Variants in PIWIL3 observed in about 807,000 individuals in gnomAD.
PIWIL3 encodes the protein piwi like RNA-mediated gene silencing 3.
In PIWIL3, 101 loss-of-function variants were observed where a neutral mutation model predicts 109.7. The observed-to-expected ratio is 0.92, with a 90% CI of 0.78 to 1.09. The LOEUF (loss-of-function observed/expected upper bound fraction) is 1.09, where lower values mean the gene tolerates loss of function less well. PIWIL3 is among the 50% of genes least tolerant of loss of function. The pLI, the probability that PIWIL3 is intolerant of heterozygous loss-of-function variation, is 0.00. For synonymous variants in PIWIL3, 373 were observed against 376.4 expected (o/e 0.99, Z 0.10); for missense variants, 1,031 against 1,072.6 (o/e 0.96, Z 0.54).
intron 12 of PIWIL3, among the ~76,000 whole-genome samples, chr22:24,737,141 C>T (rs1430794994): frequency 6.6e-6 from 1 of 152,194 alleles, no homozygotes; most frequent in Non-Finnish European, 1.5e-5. Context: ...CATCCCTCCC[C>T]CAACTCAATG....
chr22:24,749,085 C>T, intron 11 of PIWIL3, 64 bp from the exon 12 acceptor site: 1 of 1,299,568 alleles, frequency 7.7e-7, no homozygotes, highest in Non-Finnish European at 1.1e-6. Context: ...GCCATTTGTG[C>T]AAGGCAATTT....
intron 7 of PIWIL3, among the ~76,000 whole-genome samples, 153 bp from the exon 8 acceptor site, chr22:24,754,370 C>A (rs2147703865): frequency 6.6e-6 from 1 of 152,250 alleles, no homozygotes; most frequent in African/African-American, 2.4e-5. Context: ...AAACATTTAT[C>A]AGATGTGCTA....
chr22:24,735,577 G>A (rs1184844351), intron 13 of PIWIL3, 131 bp downstream of exon 13: 2 of 806,602 alleles, frequency 2.5e-6, no homozygotes, highest in Non-Finnish European at 1.8e-6. Context: ...AATATTTTTT[G>A]ACTAGAGATT....
At chr22:24,762,331 A>G (rs975104411) in intron 2 of PIWIL3, 67 bp downstream of exon 2, 43 of 1,538,684 alleles carry the variant, frequency 2.8e-5, no homozygotes, top group African/African-American at 4.2e-5. Context: ...CTCAACAACC[A>G]ACTCTATGTT....
intron 1 of PIWIL3, among the ~76,000 whole-genome samples, chr22:24,765,484 G>A (rs1309656048): frequency 1.3e-5 from 2 of 152,152 alleles, no homozygotes; most frequent in East Asian, 3.8e-4. Context: ...CCTGACTTGA[G>A]TCTTCCTTTT....
chr22:24,774,045 T>C (rs1442122338), intron 1 of PIWIL3, among the ~76,000 whole-genome samples: 1 of 152,128 alleles, frequency 6.6e-6, no homozygotes, highest in East Asian at 1.9e-4. Context: ...TAAATATACA[T>C]ACTCCACATG....
intron 8 of PIWIL3, among the ~76,000 whole-genome samples, chr22:24,753,120 G>T (rs1924808507): frequency 6.6e-6 from 1 of 152,182 alleles, no homozygotes. Context: ...TCACAATTTT[G>T]ATAGTATAGT....
chr22:24,742,521 C>A (rs747423175), intron 12 of PIWIL3, among the ~76,000 whole-genome samples: 1 of 152,172 alleles, frequency 6.6e-6, no homozygotes, highest in African/African-American at 2.4e-5. Context: ...CTATAGTCAT[C>A]CAAACAACAT....
intron 1 of PIWIL3, among the ~76,000 whole-genome samples, chr22:24,762,798 TCTAA>T (rs1461546944): frequency 6.6e-6 from 1 of 152,122 alleles, no homozygotes; most frequent in African/African-American, 2.4e-5. Flanking sequence ...GAGGCCGGAC[TCTAA>T]CAACCAGCTC....
intron 1 of PIWIL3, among the ~76,000 whole-genome samples, chr22:24,766,843 C>A (rs1925825538): frequency 6.6e-6 from 1 of 151,826 alleles, no homozygotes; most frequent in South Asian, 2.1e-4. Context: ...CAGTTGTGCA[C>A]TGTTGGCCAG....
At chr22:24,762,799 C>T (rs377395264) in intron 1 of PIWIL3, among the ~76,000 whole-genome samples, 16 of 152,256 alleles carry the variant, frequency 1.1e-4, no homozygotes, top group Middle Eastern at 3.4e-3. Flanking sequence ...AGGCCGGACT[C>T]TAACAACCAG....
intron 12 of PIWIL3, among the ~76,000 whole-genome samples, chr22:24,736,114 G>A (rs1330586943): frequency 1.3e-5 from 2 of 152,146 alleles, no homozygotes; most frequent in Middle Eastern, 3.2e-3. Context: ...CAGGGGAGAT[G>A]GCTCCAGAGC....
intron 12 of PIWIL3, among the ~76,000 whole-genome samples, chr22:24,739,445 G>T (rs950179817): frequency 6.6e-6 from 1 of 152,056 alleles, no homozygotes; most frequent in African/African-American, 2.4e-5. Flanking sequence ...CCTAATAGCA[G>T]CAAGAGAAAA....
chr22:24,720,420 C>T (rs1029945581), intron 19 of PIWIL3, among the ~76,000 whole-genome samples: 4 of 151,866 alleles, frequency 2.6e-5, no homozygotes, highest in African/African-American at 9.7e-5. Flanking sequence ...TACAGGCGCC[C>T]ACCACCACAC....
At chr22:24,767,990 C>G (rs558838611) in intron 1 of PIWIL3, among the ~76,000 whole-genome samples, 2 of 152,288 alleles carry the variant, frequency 1.3e-5, no homozygotes, top group South Asian at 4.1e-4. Flanking sequence ...AAATTCCTGT[C>G]CATCATTTCT....
intron 9 of PIWIL3, among the ~76,000 whole-genome samples, chr22:24,750,780 G>T (rs1310924866): frequency 6.7e-6 from 1 of 149,614 alleles, no homozygotes; most frequent in Admixed American, 6.6e-5. Context: ...GAGCCACTGC[G>T]CCCGGCCCAT....
intron 4 of PIWIL3, among the ~76,000 whole-genome samples, chr22:24,757,098 A>AG (rs1222452668): frequency 2.4e-4 from 35 of 146,510 alleles, no homozygotes; most frequent in South Asian, 4.3e-4. Flanking sequence ...AAAAAAAAAA[A>AG]AAAAGAAAAG....
At chr22:24,758,085 A>G (rs368219247) in intron 3 of PIWIL3, 46 bp from the exon 4 acceptor site, 32 of 1,574,764 alleles carry the variant, frequency 2.0e-5, no homozygotes, top group African/African-American at 1.5e-4. Context: ...AAAAGGGAAG[A>G]ATAGAAAAGA....
At chr22:24,763,874 T>A (rs892852963) in intron 1 of PIWIL3, among the ~76,000 whole-genome samples, 3 of 151,962 alleles carry the variant, frequency 2.0e-5, no homozygotes, top group Non-Finnish European at 2.9e-5. Context: ...CTGCCCTCCG[T>A]CCACAAGAAT....
Sources: allele counts gnomAD v4.1 joint callset (sites outside exome capture counted in the v4.1 genomes callset), GRCh38; gene constraint gnomAD v4.1.1; transcripts MANE v1.5; gene names NCBI Gene and HGNC (gene_info 2026-07-23, HGNC 2026-07-21).